Variants in AKAP6 observed in about 807,000 individuals in gnomAD.
The protein encoded by AKAP6 is A-kinase anchoring protein 6, also known as A-kinase anchor protein 6.
A neutral mutation model predicts 188.5 loss-of-function variants in AKAP6; 58 were observed. The ratio of observed to expected loss-of-function variants is 0.31; its 90% CI spans 0.25 to 0.38. The LOEUF (loss-of-function observed/expected upper bound fraction) is 0.38, where lower values mean the gene tolerates loss of function less well. AKAP6 is among the 10% of genes least tolerant of loss of function. The probability of loss-of-function intolerance (pLI) is 1.00; values close to 1 mark genes in which losing one functional copy is unlikely to be tolerated. For synonymous variants in AKAP6, 989 were observed against 998.6 expected (o/e 0.99, Z 0.18); for missense variants, 2,710 against 2,740.0 (o/e 0.99, Z 0.24).
At chr14:32,368,577 G>C (rs1217593318) in intron 1 of AKAP6, among the ~76,000 whole-genome samples, 3 of 152,014 alleles carry the variant, frequency 2.0e-5, no homozygotes, top group Non-Finnish European at 4.4e-5. Context: ...AGGTAGAGGT[G>C]GGGGAAGGAG....
At chr14:32,756,794 A>G (rs1292462261) in intron 11 of AKAP6, among the ~76,000 whole-genome samples, 1 of 152,070 alleles carries the variant, frequency 6.6e-6, no homozygotes, top group African/African-American at 2.4e-5. Flanking sequence ...AGTCCATTGC[A>G]GTGTGATGCT....
At chr14:32,368,837 C>T (rs1887916508) in intron 1 of AKAP6, among the ~76,000 whole-genome samples, 1 of 151,154 alleles carries the variant, frequency 6.6e-6, no homozygotes, top group African/African-American at 2.4e-5. Flanking sequence ...TAAATAATCC[C>T]TGCCCTCTTG....
chr14:32,516,673 C>T (rs1036994978), intron 2 of AKAP6, among the ~76,000 whole-genome samples: 5 of 152,100 alleles, frequency 3.3e-5, no homozygotes, highest in Admixed American at 1.3e-4. Context: ...AAAGGAAATA[C>T]GGATATACTA....
At chr14:32,735,289 A>G (rs990422021) in intron 10 of AKAP6, among the ~76,000 whole-genome samples, 3 of 152,150 alleles carry the variant, frequency 2.0e-5, no homozygotes, top group Admixed American at 6.6e-5. Context: ...AACTCCTATC[A>G]TGATAATTCA....
intron 1 of AKAP6, among the ~76,000 whole-genome samples, chr14:32,388,955 A>T (rs1305520383): frequency 6.6e-6 from 1 of 152,054 alleles, no homozygotes; most frequent in African/African-American, 2.4e-5. Flanking sequence ...TGGAGTACTG[A>T]GGTCCCCCAC....
intron 1 of AKAP6, among the ~76,000 whole-genome samples, chr14:32,344,192 T>C (rs530077670): frequency 6.6e-6 from 1 of 152,356 alleles, no homozygotes; most frequent in South Asian, 2.1e-4. Flanking sequence ...CCCAAGGCCA[T>C]GTCCCATGAT....
At chr14:32,787,008 A>G (rs1237945613) in intron 12 of AKAP6, among the ~76,000 whole-genome samples, 1 of 152,258 alleles carries the variant, frequency 6.6e-6, no homozygotes, top group Non-Finnish European at 1.5e-5. Context: ...ATCTAGCCAC[A>G]TAATTGAAAA....
chr14:32,793,842 A>T (rs956003574), intron 12 of AKAP6, among the ~76,000 whole-genome samples: 6 of 151,164 alleles, frequency 4.0e-5, no homozygotes, highest in Non-Finnish European at 7.4e-5. Flanking sequence ...AAGCACCGAA[A>T]TTCATAAAGC....
chr14:32,630,927 T>G lies in AKAP6; in HGVS notation c.2730+30135T>G, dbSNP rs150860557. On this transcript the variant is annotated intron_variant, in intron 7 of 13. Transcript: ENST00000280979. Reference sequence around the variant, plus strand: ...GTCAGCAGATATTCTTCTGGCTTCTTTTGTAGCCATTACAGCATTCTGATG... The same window carrying G: ...GTCAGCAGATATTCTTCTGGCTTCTGTTGTAGCCATTACAGCATTCTGATG... Among the ~76,000 whole-genome samples, 494 of 152,208 alleles carry G rather than the reference T, an allele frequency of 3.2e-3. 2 individuals are homozygous for G. Among genetic ancestry groups the G allele is most frequent in the African/African-American group, 0.011 (448 of 41,566 alleles).
intron 11 of AKAP6, among the ~76,000 whole-genome samples, chr14:32,753,550 T>G (rs2032219967): frequency 6.6e-6 from 1 of 152,174 alleles, no homozygotes; most frequent in Non-Finnish European, 1.5e-5. Context: ...CTGTTTTTGT[T>G]TCTTGTGTTT....
At chr14:32,443,928 C>T (rs1228147524) in intron 2 of AKAP6, among the ~76,000 whole-genome samples, 1 of 152,104 alleles carries the variant, frequency 6.6e-6, no homozygotes, top group Non-Finnish European at 1.5e-5. Context: ...GAGACACAAA[C>T]ATCTTTGTAT....
intron 11 of AKAP6, among the ~76,000 whole-genome samples, chr14:32,747,280 C>T (rs1398922729): frequency 6.6e-6 from 1 of 152,110 alleles, no homozygotes; most frequent in African/African-American, 2.4e-5. Context: ...AGAAAAGTAG[C>T]CATGATTCCT....
At chr14:32,534,806 A>C (rs568354407) in intron 2 of AKAP6, among the ~76,000 whole-genome samples, 4 of 152,128 alleles carry the variant, frequency 2.6e-5, no homozygotes, top group African/African-American at 7.2e-5. Flanking sequence ...TCTGTACTAA[A>C]AACACAAAAA....
chr14:32,606,940 A>AAG (rs1886150010), intron 7 of AKAP6, among the ~76,000 whole-genome samples: 1 of 152,202 alleles, frequency 6.6e-6, no homozygotes, highest in African/African-American at 2.4e-5. Context: ...TATATTGCTT[A>AAG]CAATATACCC....
In AKAP6 at chr14:32,580,171, T is replaced by A. The variant is rs561984423; in HGVS notation, c.2469+2929T>A. On this transcript the variant is annotated intron_variant, in intron 5 of 13. Transcript: ENST00000280979. ...AATCAATTAAAGCTTTATAATACCT[T>A]TATAAGAGATATGGAGGAGCTTTAT... is the stretch of plus-strand genomic sequence containing the variant. Among the ~76,000 whole-genome samples the A allele has an allele frequency of 3.5e-4, 53 of 152,278 alleles. 1 individual carries two copies. The highest frequency in any genetic ancestry group is 1.2e-3 in the African/African-American group (51 of 41,576).
intron 2 of AKAP6, among the ~76,000 whole-genome samples, chr14:32,496,650 A>T (rs555656982): frequency 1.3e-4 from 20 of 152,188 alleles, no homozygotes; most frequent in African/African-American, 4.8e-4. Flanking sequence ...GAAAAGCTGC[A>T]GTATTATTAC....
intron 1 of AKAP6, chr14:32,373,249 A>C (rs1230670969): frequency 6.6e-6 from 1 of 152,144 alleles, no homozygotes; most frequent in African/African-American, 2.4e-5. Flanking sequence ...ATTATTACTC[A>C]AATCAGTCTC....
intron 8 of AKAP6, chr14:32,693,603 C>A: frequency 6.6e-6 from 1 of 152,324 alleles, no homozygotes. Context: ...TTTTCTCAAC[C>A]TGTCTCACAT....
chr14:32,407,908 T>G (rs1425361486), intron 1 of AKAP6, among the ~76,000 whole-genome samples: 1 of 152,126 alleles, frequency 6.6e-6, no homozygotes, highest in African/African-American at 2.4e-5. Context: ...CGCTAGGAGT[T>G]TAGAAACATC....
Sources: gnomAD v4.1 joint callset for allele counts (sites outside exome capture counted in the v4.1 genomes callset) on GRCh38, gnomAD v4.1.1 for gene constraint, MANE v1.5 for transcripts, NCBI Gene and HGNC (gene_info 2026-07-23, HGNC 2026-07-21) for gene names.